GRID2: variants seen among roughly 807,000 people sequenced by gnomAD.
The protein encoded by GRID2 is glutamate receptor ionotropic, delta-2.
Under a neutral mutation model 114.8 loss-of-function variants are expected in GRID2, and 33 were observed. The ratio of observed to expected loss-of-function variants is 0.29; its 90% CI spans 0.22 to 0.38. The LOEUF (loss-of-function observed/expected upper bound fraction) is 0.38, where lower values mean the gene tolerates loss of function less well. GRID2 is among the 10% of genes least tolerant of loss of function. The pLI, the probability that GRID2 is intolerant of heterozygous loss-of-function variation, is 1.00. For missense variants in GRID2, 1,184 were observed against 1,257.7 expected, an observed-to-expected ratio of 0.94 and a Z score of 0.89; for synonymous variants, 505 against 449.9, an observed-to-expected ratio of 1.12 and a Z score of -1.55.
intron 4 of GRID2, among the ~76,000 whole-genome samples, chr4:93,200,154 T>G (rs1209987288): frequency 6.6e-6 from 1 of 152,244 alleles, no homozygotes; most frequent in Admixed American, 6.5e-5. Flanking sequence ...ATAAACTTTG[T>G]ATACTACATA....
chr4:93,443,690 A>G (rs1349084195), intron 10 of GRID2, among the ~76,000 whole-genome samples: 1 of 151,960 alleles, frequency 6.6e-6, no homozygotes, highest in Non-Finnish European at 1.5e-5. Context: ...ATGTGGGCTG[A>G]AAATATTAGA....
chr4:93,352,655 T>G (rs1481126426), intron 8 of GRID2, among the ~76,000 whole-genome samples: 1 of 152,030 alleles, frequency 6.6e-6, no homozygotes, highest in East Asian at 1.9e-4. Flanking sequence ...AAATGACAAC[T>G]AGTTTTATGG....
chr4:92,522,896 A>C (rs2149141514), intron 1 of GRID2, among the ~76,000 whole-genome samples: 1 of 152,092 alleles, frequency 6.6e-6, no homozygotes, highest in Non-Finnish European at 1.5e-5. Context: ...GATATTCAGA[A>C]ATTTGCATGG....
chr4:93,213,954 C>A (rs1051152508), intron 5 of GRID2, among the ~76,000 whole-genome samples: 1 of 151,952 alleles, frequency 6.6e-6, no homozygotes, highest in Non-Finnish European at 1.5e-5. Context: ...AAAAAGGCTT[C>A]CTTAGCCTAA....
intron 1 of GRID2, among the ~76,000 whole-genome samples, chr4:92,378,492 T>G (rs2110232230): frequency 6.6e-6 from 1 of 152,242 alleles, no homozygotes; most frequent in African/African-American, 2.4e-5. Flanking sequence ...ATTTTCACAT[T>G]ATGTTGAAAA....
intron 2 of GRID2, among the ~76,000 whole-genome samples, chr4:92,847,688 TC>T (rs1445651484): frequency 2.0e-5 from 3 of 152,242 alleles, no homozygotes; most frequent in African/African-American, 7.2e-5. Flanking sequence ...TATATTCCAT[TC>T]CATACTTAGT....
intron 2 of GRID2, among the ~76,000 whole-genome samples, chr4:92,944,375 G>C (rs551028925): frequency 2.6e-5 from 4 of 152,226 alleles, no homozygotes; most frequent in Non-Finnish European, 5.9e-5. Context: ...CTCTGAGCCA[G>C]GTGCTGGATA....
At chr4:93,606,345 ATATC>A (rs879328543) in intron 13 of GRID2, among the ~76,000 whole-genome samples, 1 of 152,122 alleles carries the variant, frequency 6.6e-6, no homozygotes, top group Non-Finnish European at 1.5e-5. Flanking sequence ...AAGAAAATGA[ATATC>A]TAAGAACCAA....
chr4:93,565,143 A>T (rs1364340787), intron 13 of GRID2, among the ~76,000 whole-genome samples: 1 of 152,098 alleles, frequency 6.6e-6, no homozygotes, highest in Non-Finnish European at 1.5e-5. Flanking sequence ...TGATCTCTTA[A>T]AAGTATAACA....
At chr4:93,647,690 T>C (rs535097780) in intron 14 of GRID2, among the ~76,000 whole-genome samples, 29 of 152,276 alleles carry the variant, frequency 1.9e-4, no homozygotes, top group African/African-American at 6.3e-4. Flanking sequence ...CAAGAATATA[T>C]ACTGATGGCT....
intron 3 of GRID2, among the ~76,000 whole-genome samples, chr4:93,095,936 G>A (rs893657367): frequency 5.9e-5 from 9 of 151,822 alleles, no homozygotes; most frequent in Admixed American, 1.3e-4. Flanking sequence ...TTATATAGCC[G>A]CAACAATTGA....
At chr4:93,787,708 G>C (rs1734620648) in intron 1 of GRID2, among the ~76,000 whole-genome samples, 1 of 152,194 alleles carries the variant, frequency 6.6e-6, no homozygotes, top group Non-Finnish European at 1.5e-5. Flanking sequence ...GCTTAAGACA[G>C]TGTCTGGTAT....
intron 2 of GRID2, among the ~76,000 whole-genome samples, chr4:92,884,412 T>A (rs554955366): frequency 4.9e-4 from 75 of 152,178 alleles, no homozygotes; most frequent in Non-Finnish European, 9.1e-4. Flanking sequence ...TTCACTGGAG[T>A]AACACATTTA....
At chr4:93,150,916 T>G (rs1736675236) in intron 4 of GRID2, among the ~76,000 whole-genome samples, 1 of 151,722 alleles carries the variant, frequency 6.6e-6, no homozygotes, top group Admixed American at 6.6e-5. Flanking sequence ...CACTTGAGGT[T>G]AGGAGTTCAA....
chr4:93,317,986 A>AATATATATATAT (rs58755199), intron 8 of GRID2, among the ~76,000 whole-genome samples: 2,077 of 100,628 alleles, frequency 0.021, 96 homozygotes, highest in Non-Finnish European at 0.029. Context: ...TTAAAAGTGA[A>AATATATATATAT]ATATATATAT....
At chr4:92,456,129 C>A (rs1007421696) in intron 1 of GRID2, among the ~76,000 whole-genome samples, 7 of 150,154 alleles carry the variant, frequency 4.7e-5, no homozygotes, top group African/African-American at 1.2e-4. Flanking sequence ...TCAATGGAAG[C>A]AATAAAATGA....
At chr4:92,819,758 C>G (rs1741151964) in intron 2 of GRID2, among the ~76,000 whole-genome samples, 1 of 152,020 alleles carries the variant, frequency 6.6e-6, no homozygotes, top group South Asian at 2.1e-4. Flanking sequence ...TGCTCAGATG[C>G]TTAAAATATT....
At chr4:93,550,190 T>G (rs753278457) in intron 13 of GRID2, among the ~76,000 whole-genome samples, 6 of 152,138 alleles carry the variant, frequency 3.9e-5, no homozygotes, top group Non-Finnish European at 8.8e-5. Context: ...TAAGCGATCC[T>G]CCTGCCTCAG....
At chr4:92,715,815 T>C (rs1342998876) in intron 2 of GRID2, among the ~76,000 whole-genome samples, 1 of 152,196 alleles carries the variant, frequency 6.6e-6, no homozygotes, top group African/African-American at 2.4e-5. Flanking sequence ...GAGATTTGTA[T>C]GGGGACACAG....
Sources: gnomAD v4.1 joint callset for allele counts (sites outside exome capture counted in the v4.1 genomes callset) on GRCh38, gnomAD v4.1.1 for gene constraint, MANE v1.5 for transcripts, NCBI Gene and HGNC (gene_info 2026-07-23, HGNC 2026-07-21) for gene names.